COL12A1: variants seen among roughly 807,000 people sequenced by gnomAD.
The protein encoded by COL12A1 is collagen type XII alpha 1 chain.
A neutral mutation model predicts 349.7 loss-of-function variants in COL12A1; 114 were observed. The observed-to-expected ratio is 0.33, with a 90% CI of 0.28 to 0.38. COL12A1 has a LOEUF of 0.38. Among genes scored for constraint, COL12A1 ranks in the 10% least tolerant of loss-of-function variants. The probability of loss-of-function intolerance (pLI) is 1.00; values close to 1 mark genes in which losing one functional copy is unlikely to be tolerated. For missense variants in COL12A1, 3,284 were observed against 3,756.9 expected, an observed-to-expected ratio of 0.87 and a Z score of 3.29; for synonymous variants, 1,369 against 1,329.0, an observed-to-expected ratio of 1.03 and a Z score of -0.66.
At chr6:75,142,833 T>C (rs1179660923) in intron 26 of COL12A1, among the ~76,000 whole-genome samples, 1 of 152,202 alleles carries the variant, frequency 6.6e-6, no homozygotes, top group Non-Finnish European at 1.5e-5. Context: ...CCTTTCTCTG[T>C]GTCCTTCTCT....
intron 14 of COL12A1, among the ~76,000 whole-genome samples, chr6:75,164,211 A>T (rs1039210630): frequency 2.0e-5 from 3 of 152,202 alleles, no homozygotes; most frequent in Non-Finnish European, 4.4e-5. Flanking sequence ...GTTGATTTTT[A>T]AAAATCTGGT....
intron 5 of COL12A1, 41 bp downstream of exon 5, chr6:75,191,660 C>T (rs370182622): frequency 1.5e-4 from 217 of 1,439,238 alleles, no homozygotes; most frequent in Non-Finnish European, 2.0e-4. Flanking sequence ...ACATTTATGA[C>T]TTCCATGAAT....
intron 53 of COL12A1, among the ~76,000 whole-genome samples, chr6:75,105,679 A>G (rs1285465713): frequency 1.3e-5 from 2 of 152,158 alleles, no homozygotes; most frequent in East Asian, 3.9e-4. Context: ...GTCTCTGCTT[A>G]AATCTCCCCT....
chr6:75,182,434 T>C (rs2149464434), intron 10 of COL12A1, among the ~76,000 whole-genome samples: 1 of 148,356 alleles, frequency 6.7e-6, no homozygotes, highest in Middle Eastern at 3.5e-3. Context: ...ATTATTCAAC[T>C]CCCACATATG....
chr6:75,170,628 C>G (rs980570216), intron 13 of COL12A1, among the ~76,000 whole-genome samples: 3 of 152,180 alleles, frequency 2.0e-5, no homozygotes, highest in Non-Finnish European at 4.4e-5. Flanking sequence ...TTTTATCTGA[C>G]AAGCAATTAA....
At chr6:75,167,597 C>T (rs1768378278) in intron 13 of COL12A1, among the ~76,000 whole-genome samples, 1 of 152,164 alleles carries the variant, frequency 6.6e-6, no homozygotes, top group Non-Finnish European at 1.5e-5. Context: ...AAATTTGTGA[C>T]ATTGTTTATT....
At chr6:75,149,864 G>A (rs182733007) in intron 21 of COL12A1, among the ~76,000 whole-genome samples, 2 of 152,122 alleles carry the variant, frequency 1.3e-5, no homozygotes, top group Admixed American at 1.3e-4. Flanking sequence ...GATAAAAGAT[G>A]TTTTCATCCC....
At chr6:75,150,698 G>A (rs1767436404) in intron 21 of COL12A1, among the ~76,000 whole-genome samples, 1 of 152,172 alleles carries the variant, frequency 6.6e-6, no homozygotes, top group South Asian at 2.1e-4. Context: ...ACTAAATGGA[G>A]TGAAGATGCT....
intron 33 of COL12A1, 41 bp from the exon 34 acceptor site, chr6:75,133,463 T>A: frequency 6.3e-7 from 1 of 1,576,996 alleles, no homozygotes; most frequent in African/African-American, 1.4e-5. Flanking sequence ...ACTTGAAAAA[T>A]TTGTGAAAGA....
chr6:75,122,912 A>G (rs1036508388), intron 43 of COL12A1, among the ~76,000 whole-genome samples: 1 of 152,230 alleles, frequency 6.6e-6, no homozygotes, highest in Admixed American at 6.5e-5. Flanking sequence ...TTAGCATTGT[A>G]TAATCCAGGG....
intron 25 of COL12A1, 90 bp downstream of exon 25, chr6:75,145,236 C>T: frequency 8.3e-7 from 1 of 1,207,202 alleles, no homozygotes; most frequent in South Asian, 3.0e-5. Context: ...TATAAATTAT[C>T]AAATTATTGT....
Position 75,116,012 on chromosome 6 carries a change from T to C in COL12A1, c.7558+7A>G. ...AAATTAATTTGCCCCAAAGTATAAA[T>C]GCTTACCTGGTGAGGTGTAGCCATC... On this transcript the variant is annotated splice_region_variant and intron_variant, in intron 48 of 65. Coordinates refer to ENST00000322507, the MANE Select transcript of COL12A1 (RefSeq NM_004370.6). 1.2e-6 allele frequency: 2 copies of C among 1,613,506 alleles called. No homozygotes were observed. The highest frequency in any genetic ancestry group is 1.7e-6 in the Non-Finnish European group (2 of 1,179,622).
intron 2 of COL12A1, among the ~76,000 whole-genome samples, chr6:75,199,494 T>A (rs1770412670): frequency 6.6e-6 from 1 of 152,208 alleles, no homozygotes; most frequent in Non-Finnish European, 1.5e-5. Flanking sequence ...TAAATCAGAC[T>A]AACCAAAATT....
chr6:75,128,663 G>A lies in COL12A1; in HGVS notation c.6211-238C>T, dbSNP rs75409775. On this transcript the variant is annotated intron_variant, in intron 37 of 65. Transcript: ENST00000322507. ...CCCAGATCAGCCACTTAACAGCCAC[G>A]TGACTTAACATCTTTGAAGAAAACT... is the stretch of plus-strand genomic sequence containing the variant. Among the ~76,000 whole-genome samples the A allele has an allele frequency of 0.04, 6,075 of 152,218 alleles. 221 individuals are homozygous for A. Among genetic ancestry groups the A allele is most frequent in the African/African-American group, 0.1 (4,158 of 41,530 alleles).
intron 2 of COL12A1, among the ~76,000 whole-genome samples, chr6:75,198,237 T>A (rs1770331987): frequency 6.6e-6 from 1 of 152,152 alleles, no homozygotes; most frequent in East Asian, 1.9e-4. Flanking sequence ...GGTTGCAATT[T>A]TTTGAATTTT....
In COL12A1 at chr6:75,119,120, G is replaced by C. The variant is rs774528931; in HGVS notation, c.7277C>G (p.Pro2426Arg). The part of the protein sequence containing the change: ...TWESGMRKNV[P>R]KVLVVVTDGR... ...GTCCGTGACCACAACCAACACCTTA[G>C]GGACATTCTTCCTCATGCCGCTCTC... is the stretch of plus-strand genomic sequence containing the variant. The change falls in exon 46 of 66, where the codon CCT (proline) becomes CGT (arginine). Residue 2426 changes from proline to arginine, a missense_variant. Coordinates refer to ENST00000322507, the MANE Select transcript of COL12A1 (RefSeq NM_004370.6). The C allele has an allele frequency of 6.2e-7, 1 of 1,613,874 alleles. No homozygotes were observed. Among genetic ancestry groups the C allele is most frequent in the Non-Finnish European group, 8.5e-7 (1 of 1,179,900 alleles).
chr6:75,105,089 C>G (rs1768481850), intron 54 of COL12A1, 117 bp downstream of exon 54: 1 of 746,758 alleles, frequency 1.3e-6, no homozygotes, highest in East Asian at 2.8e-5. Flanking sequence ...ATTTAGCTTG[C>G]TCTATCCTAG....
chr6:75,113,549 G>GA lies in COL12A1; in HGVS notation c.7840+52dup, dbSNP rs1322451513. 2.0e-6 allele frequency: 3 copies of GA among 1,523,364 alleles called. No homozygotes were observed. In the African/African-American group the frequency reaches 4.2e-5, roughly 21 times the overall value. The allele number at this position is 1,523,364 out of a possible 1,614,324, so 94.4% of individuals were successfully genotyped here. On this transcript the variant is annotated intron_variant, in intron 50 of 65. Coordinates refer to ENST00000322507, the MANE Select transcript of COL12A1 (RefSeq NM_004370.6). ...TCAGAAAGTTTTTTAAAAGAGAAAA[G>GA]AAAAACATAATCAAAACTAAGTATG...
intron 56 of COL12A1, 83 bp from the exon 57 acceptor site, chr6:75,102,135 C>T: frequency 7.8e-6 from 10 of 1,274,144 alleles, no homozygotes; most frequent in Non-Finnish European, 1.1e-5. Context: ...CTTATGAAAT[C>T]TTCATCACTT....
Sources: gnomAD v4.1 joint callset for allele counts (sites outside exome capture counted in the v4.1 genomes callset) on GRCh38, gnomAD v4.1.1 for gene constraint, MANE v1.5 for transcripts, NCBI Gene and HGNC (gene_info 2026-07-23, HGNC 2026-07-21) for gene names.